SRFBP1: variants seen among roughly 807,000 people sequenced by gnomAD.
SRFBP1 encodes serum response factor-binding protein 1.
In SRFBP1, 47 loss-of-function variants were observed where a neutral mutation model predicts 45.5. That is an observed-to-expected ratio of 1.03 (90% confidence interval 0.82 to 1.32). The LOEUF (loss-of-function observed/expected upper bound fraction) is 1.32, where lower values mean the gene tolerates loss of function less well. Among genes scored for constraint, SRFBP1 ranks in the 40% most tolerant of loss-of-function variants. SRFBP1 has a pLI of 0.00. For missense variants in SRFBP1, 621 were observed against 484.6 expected (o/e 1.28, Z -2.64); for synonymous variants, 203 against 166.3 (o/e 1.22, Z -1.70).
At chr5:121,988,473 A>G (rs549777636) in intron 3 of SRFBP1, among the ~76,000 whole-genome samples, 1 of 152,354 alleles carries the variant, frequency 6.6e-6, no homozygotes, top group Non-Finnish European at 1.5e-5. Flanking sequence ...AAGTCCAGGA[A>G]AAAATAGGCA....
chr5:122,020,148 A>G lies in SRFBP1; in HGVS notation c.413A>G (p.Asn138Ser), dbSNP rs1373190336. 1 of 1,596,040 alleles carries G rather than the reference A, an allele frequency of 6.3e-7. No homozygotes were observed. Among genetic ancestry groups the G allele is most frequent in the Non-Finnish European group, 8.5e-7 (1 of 1,174,098 alleles). The change falls in exon 6 of 8, where the codon AAT (asparagine) becomes AGT (serine). Residue 138 changes from asparagine (N) to serine (S), a missense_variant. By Grantham distance (46) the Asn-to-Ser change is conservative (BLOSUM62 1). Coordinates refer to ENST00000339397, the MANE Select transcript of SRFBP1 (RefSeq NM_152546.3). The part of the protein sequence containing the change: ...QNVAEVESSK[N>S]ASEDNHSENT... ...GTTGCTGAAGTTGAGTCATCAAAGA[A>G]TGCTTCAGAGGACAATCATTCTGAG...
intron 1 of SRFBP1, among the ~76,000 whole-genome samples, chr5:121,971,777 A>G (rs1428778241): frequency 6.6e-6 from 1 of 152,030 alleles, no homozygotes; most frequent in Non-Finnish European, 1.5e-5. Flanking sequence ...TAGAGTGAGT[A>G]GAAAGGAAAG....
chr5:121,967,524 A>G (rs1320724700), intron 1 of SRFBP1, among the ~76,000 whole-genome samples: 1 of 152,198 alleles, frequency 6.6e-6, no homozygotes, highest in Non-Finnish European at 1.5e-5. Flanking sequence ...TGATAAAATT[A>G]GGGTCCTCTT....
At chr5:121,970,615 C>G (rs1442584403) in intron 1 of SRFBP1, among the ~76,000 whole-genome samples, 1 of 149,118 alleles carries the variant, frequency 6.7e-6, no homozygotes, top group African/African-American at 2.5e-5. Flanking sequence ...CTAAATGGGT[C>G]TTTGAAACAA....
downstream of SRFBP1, among the ~76,000 whole-genome samples, chr5:122,029,745 T>C (rs1352720397): frequency 1.3e-5 from 2 of 152,202 alleles, no homozygotes; most frequent in African/African-American, 2.4e-5. Context: ...TGCCACCTGT[T>C]CTCCATTGTC....
At chr5:121,976,255 G>A (rs561987761) in intron 3 of SRFBP1, among the ~76,000 whole-genome samples, 5 of 152,062 alleles carry the variant, frequency 3.3e-5, no homozygotes, top group African/African-American at 7.2e-5. Context: ...TCTAGGAAAC[G>A]ACTCTTTGAT....
At chr5:122,015,196 C>T (rs1460497421) in intron 4 of SRFBP1, among the ~76,000 whole-genome samples, 1 of 152,088 alleles carries the variant, frequency 6.6e-6, no homozygotes. Context: ...TTTTTACATA[C>T]CAACCTTCTG....
chr5:121,989,848 G>A (rs1752586850), intron 3 of SRFBP1, among the ~76,000 whole-genome samples: 1 of 152,020 alleles, frequency 6.6e-6, no homozygotes, highest in South Asian at 2.1e-4. Context: ...ACTCTTCTTT[G>A]GAACACTCTA....
At chr5:122,068,489 A>G (rs565134011) in intron 2 of SRFBP1, among the ~76,000 whole-genome samples, 8 of 152,252 alleles carry the variant, frequency 5.3e-5, no homozygotes, top group African/African-American at 1.9e-4. Context: ...TATTACAGTT[A>G]TATGTGTAAT....
intron 1 of SRFBP1, among the ~76,000 whole-genome samples, chr5:121,962,608 C>T (rs1751972549): frequency 6.6e-6 from 1 of 152,190 alleles, no homozygotes; most frequent in Admixed American, 6.5e-5. Context: ...CAATAAAGAG[C>T]TGTTTATACT....
chr5:121,980,203 C>T (rs1752380732), intron 3 of SRFBP1, among the ~76,000 whole-genome samples: 1 of 152,126 alleles, frequency 6.6e-6, no homozygotes. Flanking sequence ...TGTATTTATA[C>T]TTTTCCTTCC....
In SRFBP1 at chr5:122,061,364, G is replaced by C. The variant is rs1229455989; in HGVS notation, n.312-13951G>C. 4.0e-5 allele frequency among the ~76,000 whole-genome samples: 6 copies of C among 150,676 alleles called. 1 individual carries two copies. The highest frequency in any genetic ancestry group is 1.3e-4 in the Admixed American group (2 of 14,826). On this transcript the variant is annotated intron_variant and non_coding_transcript_variant, in intron 2 of 2. Transcript: ENST00000504881. ...CTAACAGTGACACAGGCATATTCTT[G>C]GTAATTGTTTTAATGGTTCTCTTTT...
rs1460712392 is a variant in SRFBP1, at chr5:122,020,421, C to G, written c.686C>G (p.Thr229Ser). The change falls in exon 6 of 8, where the codon ACT becomes AGT. Residue 229 changes from threonine to serine, a missense_variant. Coordinates refer to ENST00000339397, the MANE Select transcript of SRFBP1 (RefSeq NM_152546.3). ...QKTPADPKLK[T>S]LSQTKKNKGS... ...ACACCTGCTGACCCAAAACTGAAAACTCTAAGTCAAACCAAAAAAAACAAA... is the reference window on the plus strand; with the variant it reads ...ACACCTGCTGACCCAAAACTGAAAAGTCTAAGTCAAACCAAAAAAAACAAA... 13 of 1,613,330 alleles carry G rather than the reference C, an allele frequency of 8.1e-6. No homozygotes were observed. In the Admixed American group the frequency reaches 2.2e-4, roughly 27 times the overall value.
chr5:122,054,856 A>AT (rs536607082), intron 2 of SRFBP1, among the ~76,000 whole-genome samples: 85 of 151,924 alleles, frequency 5.6e-4, no homozygotes, highest in Non-Finnish European at 1.0e-3. Flanking sequence ...ACACCTTTTC[A>AT]TTTTTTCCCC....
In SRFBP1 at chr5:121,975,384, G is replaced by A. The variant is rs770116333; in HGVS notation, c.195G>A (p.Met65Ile). 1 of 1,613,254 alleles carries A rather than the reference G, an allele frequency of 6.2e-7. No homozygotes were observed. The highest frequency in any genetic ancestry group is 2.2e-5 in the East Asian group (1 of 44,844). ...AQRLLEEIHA[M>I]KELKPDIVTK... Reference sequence around the variant, plus strand: ...GATTGCTTGAAGAAATCCATGCCATGAAGGTAAGGACTTGTGTGGGTGTGT... The same window carrying A: ...GATTGCTTGAAGAAATCCATGCCATAAAGGTAAGGACTTGTGTGGGTGTGT... The change falls in exon 3 of 8, where the codon ATG becomes ATA. Residue 65 changes from methionine (M) to isoleucine (I), a missense_variant. Physicochemically the swap from Met to Ile is conservative, Grantham distance 10. Transcript: ENST00000339397.
intron 3 of SRFBP1, among the ~76,000 whole-genome samples, chr5:121,981,525 G>A (rs1394422928): frequency 6.8e-6 from 1 of 146,354 alleles, no homozygotes; most frequent in Non-Finnish European, 1.5e-5. Context: ...CCTCTCTGTT[G>A]CTTCTGTATC....
intron 4 of SRFBP1, among the ~76,000 whole-genome samples, chr5:122,008,016 C>T (rs1753013590): frequency 6.6e-6 from 1 of 152,040 alleles, no homozygotes; most frequent in African/African-American, 2.4e-5. Flanking sequence ...CAGACCTGGA[C>T]CCTGGGGTTT....
chr5:122,001,577 C>G (rs1467533516), intron 4 of SRFBP1, among the ~76,000 whole-genome samples: 1 of 107,690 alleles, frequency 9.3e-6, no homozygotes, highest in Non-Finnish European at 1.7e-5. Context: ...TTTTTTGAGA[C>G]GGAGTCTCGC....
At chr5:121,987,093 G>A (rs1305026441) in intron 3 of SRFBP1, among the ~76,000 whole-genome samples, 1 of 152,072 alleles carries the variant, frequency 6.6e-6, no homozygotes, top group Non-Finnish European at 1.5e-5. Context: ...CCTCGAGTCT[G>A]GAAAACCAAT....
Sources: allele counts gnomAD v4.1 joint callset (sites outside exome capture counted in the v4.1 genomes callset), GRCh38; gene constraint gnomAD v4.1.1; transcripts MANE v1.5; gene names NCBI Gene and HGNC (gene_info 2026-07-23, HGNC 2026-07-21).